GINS1: variants seen among roughly 807,000 people sequenced by gnomAD.
GINS1 encodes the protein DNA replication complex GINS protein PSF1.
GINS1 carries 26 observed loss-of-function variants against 34.9 expected under a neutral mutation model. The observed-to-expected ratio is 0.74, with a 90% CI of 0.55 to 1.03. The LOEUF is 1.03. Among genes scored for constraint, GINS1 ranks in the 50% least tolerant of loss-of-function variants. The pLI is 0.00. For synonymous variants in GINS1, 97 were observed against 84.4 expected, an observed-to-expected ratio of 1.15 and a Z score of -0.82; for missense variants, 235 against 237.9, an observed-to-expected ratio of 0.99 and a Z score of 0.08.
chr20:25,440,453 G>A (rs1475240890), intron 5 of GINS1, among the ~76,000 whole-genome samples: 1 of 152,300 alleles, frequency 6.6e-6, no homozygotes, highest in Non-Finnish European at 1.5e-5. Flanking sequence ...AGTTGATGGG[G>A]ACATGGAGTA....
At chr20:25,417,494 T>G (rs2090328633) in intron 3 of GINS1, among the ~76,000 whole-genome samples, 1 of 152,200 alleles carries the variant, frequency 6.6e-6, no homozygotes, top group East Asian at 1.9e-4. Context: ...GCCACACTAT[T>G]TAAGTGCATC....
intron 5 of GINS1, among the ~76,000 whole-genome samples, chr20:25,428,555 C>G (rs148440805): frequency 1.3e-5 from 2 of 151,696 alleles, no homozygotes; most frequent in East Asian, 3.9e-4. Context: ...AGGTGCCCAC[C>G]ACGACGCCCA....
At position 25,425,339 on chromosome 20, in the gene GINS1, T is replaced by G. The variant is rs895074513; in HGVS notation, c.447+12T>G. 6 of 1,051,746 alleles carry G rather than the reference T, an allele frequency of 5.7e-6. No homozygotes were observed. Among genetic ancestry groups the G allele is most frequent in the Non-Finnish European group, 8.8e-6 (6 of 684,778 alleles). 65.2% of individuals were successfully genotyped at this position (1,051,746 alleles called of 1,614,324 possible). A position where few individuals can be genotyped will look rare whatever the true frequency, so the allele number is the denominator to read the frequency against. ...GCCTATATATTGAAGTATGTATATC[T>G]TTTTAAAATGCATTTTTCTTTAATG... On this transcript the variant is annotated intron_variant, in intron 5 of 6. Transcript: ENST00000262460.
chr20:25,448,514 T>C lies in GINS1; in HGVS notation c.*2523T>C, dbSNP rs2090525035. 6.6e-6 allele frequency: 1 copy of C among 152,240 alleles called. No individual in the cohort carries two copies. The highest frequency in any genetic ancestry group is 6.5e-5 in the Admixed American group (1 of 15,280). The allele number at this position is 152,240 out of a possible 1,614,324, so 9.4% of individuals were successfully genotyped here. On this transcript the variant is annotated 3_prime_UTR_variant, in exon 7 of 7. Coordinates refer to ENST00000262460, the MANE Select transcript of GINS1 (RefSeq NM_021067.5). The stretch of plus-strand genomic sequence containing the variant: ...TCTCATGGTGTTTTTGTAAATTACA[T>C]CAACAGTCATGTGTTCTATGAATAA...
chr20:25,408,650 C>T (rs1221398914), intron 1 of GINS1, among the ~76,000 whole-genome samples: 1 of 152,104 alleles, frequency 6.6e-6, no homozygotes, highest in Non-Finnish European at 1.5e-5. Context: ...TTGATCCTGC[C>T]ACTGCATTCC....
intron 6 of GINS1, among the ~76,000 whole-genome samples, chr20:25,442,712 A>T (rs554500621): frequency 1.3e-5 from 2 of 150,820 alleles, no homozygotes; most frequent in Non-Finnish European, 2.9e-5. Context: ...GGCTCAAGTG[A>T]TCCCCCACCT....
At chr20:25,440,020 A>G (rs1473708823) in intron 5 of GINS1, among the ~76,000 whole-genome samples, 1 of 151,324 alleles carries the variant, frequency 6.6e-6, no homozygotes, top group Non-Finnish European at 1.5e-5. Context: ...TGCCAATACT[A>G]TCTCATCTTA....
At chr20:25,433,653 A>G (rs1180590025) in intron 5 of GINS1, among the ~76,000 whole-genome samples, 1 of 152,206 alleles carries the variant, frequency 6.6e-6, no homozygotes, top group Non-Finnish European at 1.5e-5. Flanking sequence ...ACTATATTCT[A>G]TAGCTGTTTT....
At chr20:25,409,528 G>A (rs984340782) in intron 1 of GINS1, among the ~76,000 whole-genome samples, 1 of 152,136 alleles carries the variant, frequency 6.6e-6, no homozygotes, top group Admixed American at 6.5e-5. Flanking sequence ...TAGGAAACTG[G>A]GTAAACAACA....
chr20:25,421,646 T>C (rs992755387), intron 4 of GINS1, among the ~76,000 whole-genome samples: 1 of 152,184 alleles, frequency 6.6e-6, no homozygotes, highest in Non-Finnish European at 1.5e-5. Context: ...ATAGTGAAAA[T>C]AGGTATTTTT....
At chr20:25,428,894 G>A (rs927218750) in intron 5 of GINS1, among the ~76,000 whole-genome samples, 3 of 149,562 alleles carry the variant, frequency 2.0e-5, no homozygotes, top group African/African-American at 7.4e-5. Flanking sequence ...TGCCAGAACT[G>A]TAGTATTTCG....
chr20:25,445,814 T>A, intron 6 of GINS1, 109 bp from the exon 7 acceptor site: 1 of 700,360 alleles, frequency 1.4e-6, no homozygotes. Context: ...ACTTACTTGT[T>A]GGAGTTTGAA....
rs6138568 is a variant in GINS1, at chr20:25,434,496, G to A, written c.448-7206G>A. On this transcript the variant is annotated intron_variant, in intron 5 of 6. Transcript: ENST00000262460. ...TCTTGCTCTGTTTGTCATCCAGGCTGGGGTGTGGTGGTACAATCATAGTTC... is the reference window on the plus strand; with the variant it reads ...TCTTGCTCTGTTTGTCATCCAGGCTAGGGTGTGGTGGTACAATCATAGTTC... 7.4e-4 allele frequency among the ~76,000 whole-genome samples: 112 copies of A among 151,698 alleles called. 3 individuals are homozygous for A. In the East Asian group the frequency reaches 0.019, roughly 26 times the overall value.
chr20:25,411,434 C>G (rs2090284366), intron 1 of GINS1: 1 of 152,206 alleles, frequency 6.6e-6, no homozygotes, highest in Middle Eastern at 3.4e-3. Flanking sequence ...TATTTTGGCC[C>G]TAAAAATAGA....
At chr20:25,409,836 T>C (rs1427803357) in intron 1 of GINS1, among the ~76,000 whole-genome samples, 1 of 152,194 alleles carries the variant, frequency 6.6e-6, no homozygotes, top group Non-Finnish European at 1.5e-5. Context: ...CAGAAGTGTG[T>C]AAATGCTAAA....
At chr20:25,408,484 T>C (rs1451809629) in intron 1 of GINS1, among the ~76,000 whole-genome samples, 2 of 152,162 alleles carry the variant, frequency 1.3e-5, no homozygotes, top group Non-Finnish European at 2.9e-5. Flanking sequence ...ATTAATATTA[T>C]GATTATTTGT....
rs775525859 is a variant in GINS1, at chr20:25,418,130, G to C, written c.265G>C (p.Ala89Pro). 12 of 1,602,510 alleles carry C rather than the reference G, an allele frequency of 7.5e-6. No homozygotes were observed. In the East Asian group the frequency reaches 2.5e-4, roughly 33 times the overall value. The change falls in exon 4 of 7, where the codon GCA becomes CCA. Residue 89 changes from alanine (A) to proline (P), a missense_variant. By Grantham distance (27) the Ala-to-Pro change is conservative (BLOSUM62 -1). Transcript: ENST00000262460. ...GTATGACCGCTTGCTTCGGATCAGA[G>C]CACTCAGATGGGAATATGGTAGCGT... ...YLYDRLLRIR[A>P]LRWEYGSVLP...
At chr20:25,430,015 C>T (rs185404322) in intron 5 of GINS1, among the ~76,000 whole-genome samples, 68 of 152,260 alleles carry the variant, frequency 4.5e-4, no homozygotes, top group African/African-American at 1.3e-3. Flanking sequence ...TAGGTTCAAG[C>T]GATTCTCCTG....
chr20:25,426,379 C>T (rs561557701), intron 5 of GINS1, among the ~76,000 whole-genome samples: 1 of 152,026 alleles, frequency 6.6e-6, no homozygotes, highest in Admixed American at 6.6e-5. Flanking sequence ...GCCTGACCAA[C>T]ATGGAGAAAC....
Sources: gnomAD v4.1 joint callset for allele counts (sites outside exome capture counted in the v4.1 genomes callset) on GRCh38, gnomAD v4.1.1 for gene constraint, MANE v1.5 for transcripts, NCBI Gene and HGNC (gene_info 2026-07-23, HGNC 2026-07-21) for gene names.